The following PDGFA variants were observed in gnomAD, a reference collection of about 807,000 sequenced individuals.
PDGFA encodes platelet-derived growth factor subunit A.
Under a neutral mutation model 25.6 loss-of-function variants are expected in PDGFA, and 9 were observed. The ratio of observed to expected loss-of-function variants is 0.35; its 90% CI spans 0.21 to 0.61. The LOEUF (loss-of-function observed/expected upper bound fraction) is 0.61, where lower values mean the gene tolerates loss of function less well. Ranked by LOEUF, PDGFA falls within the 20% of genes least tolerant of loss-of-function variation. The pLI, the probability that PDGFA is intolerant of heterozygous loss-of-function variation, is 0.75. For missense variants in PDGFA, 242 were observed against 272.8 expected, an observed-to-expected ratio of 0.89 and a Z score of 0.79; for synonymous variants, 133 against 111.8, an observed-to-expected ratio of 1.19 and a Z score of -1.20.
intron 2 of PDGFA, chr7:512,804 G>C: frequency 1.9e-6 from 1 of 522,614 alleles, no homozygotes; most frequent in Non-Finnish European, 3.0e-6. Context: ...GGTGAGGGCT[G>C]CCCCGGGGCA....
At position 516,002 on chromosome 7, in the gene PDGFA, C is replaced by CT. The variant is rs1177678426; in HGVS notation, c.160+1391_160+1392insA. Among the ~76,000 whole-genome samples the CT allele has an allele frequency of 8.4e-5, 10 of 119,544 alleles. No individual in the cohort carries two copies. The Admixed American group carries it at 8.8e-4, about 10-fold the overall frequency. 78.4% of individuals were successfully genotyped at this position (119,544 alleles called of 152,430 possible). A position where few individuals can be genotyped will look rare whatever the true frequency, so the allele number is the denominator to read the frequency against. ...CAAGCCTCCCCTTCTGCTAGCACCC[C>CT]CCCCCAGAAAAAGCCCTGAAACCTT... On this transcript the variant is annotated intron_variant, in intron 2 of 5. Coordinates refer to ENST00000402802, the Ensembl canonical transcript of PDGFA.
At chr7:518,625 C>A in intron 1 of PDGFA, 1 of 336,544 alleles carries the variant, frequency 3.0e-6, no homozygotes, top group Non-Finnish European at 5.4e-6. Context: ...GCTCCCCGCA[C>A]CCCGCTGCTG....
chr7:511,921 C>G (rs150542316), intron 3 of PDGFA, among the ~76,000 whole-genome samples: 371 of 152,282 alleles, frequency 2.4e-3, no homozygotes, highest in African/African-American at 8.4e-3. Context: ...CCGCCGGACA[C>G]AGCACGCGCG....
intron 4 of PDGFA, among the ~76,000 whole-genome samples, chr7:506,385 C>T (rs1222617537): frequency 6.6e-6 from 1 of 152,080 alleles, no homozygotes; most frequent in Non-Finnish European, 1.5e-5. Context: ...AGGCCCCTGC[C>T]CAGCCTGGCT....
At chr7:505,094 A>G (rs1197614475) in intron 4 of PDGFA, among the ~76,000 whole-genome samples, 1 of 152,246 alleles carries the variant, frequency 6.6e-6, no homozygotes, top group Non-Finnish European at 1.5e-5. Context: ...TCTGGCCAGG[A>G]AATAGCTACA....
intron 4 of PDGFA, among the ~76,000 whole-genome samples, chr7:508,020 C>A (rs374393839): frequency 6.6e-6 from 1 of 152,144 alleles, no homozygotes; most frequent in Non-Finnish European, 1.5e-5. Context: ...GATGTGGAAT[C>A]TGCTTACTCA....
chr7:510,962 C>T (rs758711256), exon 4 of PDGFA: 36 of 1,612,684 alleles, frequency 2.2e-5, no homozygotes, highest in Admixed American at 1.8e-4. Context: ...CGTAAATGAC[C>T]GTCCTGGTCT....
chr7:499,810 T>C (rs2128388876), intron 5 of PDGFA, among the ~76,000 whole-genome samples: 1 of 146,886 alleles, frequency 6.8e-6, no homozygotes, highest in East Asian at 2.1e-4. Context: ...ATGAGGCAAC[T>C]GCAGATGGAT....
rs1396703379 is a variant in PDGFA, at chr7:500,302, A to G, written c.580+814T>C. Reference sequence around the variant, plus strand: ...GCAAGGAGACCCAAGCCCAGCAGACACCATCAAGGCCAATCAGGGCCACAT... The same window carrying G: ...GCAAGGAGACCCAAGCCCAGCAGACGCCATCAAGGCCAATCAGGGCCACAT... On this transcript the variant is annotated intron_variant, in intron 5 of 5. Transcript: ENST00000402802. This position sits in a 1 kb window ranked among gnomAD's most constrained non-coding sequence, Gnocchi z 5.0. 1 of 987,678 alleles carries G rather than the reference A, an allele frequency of 1.0e-6. No homozygotes were observed. Among genetic ancestry groups the G allele is most frequent in the African/African-American group, 1.6e-5 (1 of 62,236 alleles). 61.2% of individuals were successfully genotyped at this position (987,678 alleles called of 1,614,324 possible).
chr7:519,010 G>A, exon 1 of PDGFA: 2 of 1,528,840 alleles, frequency 1.3e-6, no homozygotes, highest in Non-Finnish European at 1.8e-6. Context: ...ATCGCGTCCC[G>A]AGGCGCTGGC....
chr7:499,719 T>C (rs866643731), intron 5 of PDGFA, among the ~76,000 whole-genome samples: 6 of 23,800 alleles, frequency 2.5e-4, no homozygotes, highest in African/African-American at 8.0e-4. Flanking sequence ...TATTTTGCCC[T>C]TCCCCCCCCC....
chr7:509,393 G>T (rs1782700007), intron 4 of PDGFA, among the ~76,000 whole-genome samples: 1 of 152,126 alleles, frequency 6.6e-6, no homozygotes, highest in Non-Finnish European at 1.5e-5. Context: ...CCGACTCAAG[G>T]GATCCTCCCA....
intron 5 of PDGFA, among the ~76,000 whole-genome samples, chr7:499,307 A>G (rs1425158453): frequency 2.0e-5 from 3 of 152,212 alleles, no homozygotes; most frequent in African/African-American, 4.8e-5. Flanking sequence ...CAAGTGGACA[A>G]TTTCCTCCCA....
exon 6 of PDGFA, chr7:497,435 T>C (rs1014204998): frequency 1.3e-5 from 2 of 151,924 alleles, no homozygotes; most frequent in Admixed American, 1.3e-4. Flanking sequence ...TTACCAAAAA[T>C]AAAGAATTTG....
chr7:519,734 G>T (rs1326537171), upstream of PDGFA, among the ~76,000 whole-genome samples: 2 of 146,220 alleles, frequency 1.4e-5, no homozygotes, highest in Admixed American at 6.8e-5. Flanking sequence ...GCCTGAGGGC[G>T]GGCGCAAGGC....
intron 4 of PDGFA, among the ~76,000 whole-genome samples, chr7:502,927 G>A (rs1203924543): frequency 6.6e-6 from 1 of 152,024 alleles, no homozygotes; most frequent in Non-Finnish European, 1.5e-5. Flanking sequence ...AGTCATGCAT[G>A]TGTAATGTAC....
Position 517,377 on chromosome 7 carries a change from G to T in PDGFA, c.160+17C>A. On this transcript the variant is annotated intron_variant, in intron 2 of 5. Transcript: ENST00000402802. The surrounding 1 kb of genome is among the most constrained non-coding windows in gnomAD (Gnocchi z 7.4). ...CCCGCGCCCTCCCCGCGCGCGGAGG[G>T]AAGGGGCGCGATTTACCTACGGAGT... 3.1e-6 allele frequency: 4 copies of T among 1,299,746 alleles called. No individual in the cohort carries two copies. The highest frequency in any genetic ancestry group is 1.6e-5 in the South Asian group (1 of 61,648). The allele number at this position is 1,299,746 out of a possible 1,614,324, so 80.5% of individuals were successfully genotyped here.
intron 2 of PDGFA, chr7:513,090 G>A (rs1782936510): frequency 6.2e-6 from 1 of 160,358 alleles, no homozygotes; most frequent in Non-Finnish European, 1.4e-5. Flanking sequence ...GCCATGAGGA[G>A]AGGCAGGAGG....
intron 4 of PDGFA, 117 bp downstream of exon 4, chr7:510,691 GC>G: frequency 4.2e-6 from 2 of 480,592 alleles, no homozygotes; most frequent in Non-Finnish European, 7.3e-6. Flanking sequence ...GGTAGGGGCG[GC>G]CCCGGGCTTG....
Sources: allele counts gnomAD v4.1 joint callset (sites outside exome capture counted in the v4.1 genomes callset), GRCh38; gene constraint gnomAD v4.1.1; non-coding constraint Gnocchi (gnomAD v3.1); transcripts MANE v1.5; gene names NCBI Gene and HGNC (gene_info 2026-07-23, HGNC 2026-07-21).